AFDN: variants seen among roughly 807,000 people sequenced by gnomAD.
The protein encoded by AFDN is afadin, adherens junction formation factor.
Under a neutral mutation model 216.6 loss-of-function variants are expected in AFDN, and 68 were observed. The ratio of observed to expected loss-of-function variants is 0.31; its 90% CI spans 0.26 to 0.38. The LOEUF is 0.38. Among genes scored for constraint, AFDN ranks in the 10% least tolerant of loss-of-function variants. The pLI is 1.00. For synonymous variants in AFDN, 868 were observed against 853.7 expected, an observed-to-expected ratio of 1.02 and a Z score of -0.29; for missense variants, 2,136 against 2,342.0, an observed-to-expected ratio of 0.91 and a Z score of 1.82.
chr6:167,957,569 A>G (rs567838796), intron 30 of AFDN, among the ~76,000 whole-genome samples: 5 of 152,276 alleles, frequency 3.3e-5, no homozygotes, highest in African/African-American at 9.6e-5. Context: ...GATCTCCTTC[A>G]GCACTAGATT....
intron 10 of AFDN, among the ~76,000 whole-genome samples, 181 bp downstream of exon 10, chr6:167,897,153 G>GT (rs1382535601): frequency 6.6e-6 from 1 of 152,204 alleles, no homozygotes; most frequent in African/African-American, 2.4e-5. Context: ...CAGAATGTGA[G>GT]TTTATGTTCA....
intron 9 of AFDN, 50 bp from the exon 10 acceptor site, chr6:167,896,828 C>A: frequency 2.8e-6 from 3 of 1,070,106 alleles, no homozygotes; most frequent in Non-Finnish European, 4.3e-6. Flanking sequence ...AATAACATGA[C>A]AGTAATATTA....
intron 22 of AFDN, among the ~76,000 whole-genome samples, chr6:167,923,620 C>CTTTTTTT (rs35743665): frequency 8.9e-6 from 1 of 111,966 alleles, no homozygotes; most frequent in Non-Finnish European, 1.8e-5. Flanking sequence ...TACCCTAATA[C>CTTTTTTT]TTTTTTTTTT....
chr6:167,937,029 G>A (rs1268275581), intron 23 of AFDN, among the ~76,000 whole-genome samples: 1 of 152,180 alleles, frequency 6.6e-6, no homozygotes, highest in African/African-American at 2.4e-5. Context: ...TGCACCTGAA[G>A]TATAAGTAGG....
At chr6:167,837,678 G>A (rs529292521) in intron 1 of AFDN, among the ~76,000 whole-genome samples, 24 of 152,222 alleles carry the variant, frequency 1.6e-4, no homozygotes, top group African/African-American at 4.8e-4. Flanking sequence ...TCCCATTTCT[G>A]GATGAAGAAC....
At chr6:167,899,076 T>C (rs1342087858) in intron 11 of AFDN, among the ~76,000 whole-genome samples, 1 of 152,128 alleles carries the variant, frequency 6.6e-6, no homozygotes, top group Non-Finnish European at 1.5e-5. Flanking sequence ...CTCCCCTAGA[T>C]TGTAGGCTTT....
chr6:167,870,569 G>A (rs1784681037), intron 3 of AFDN, 71 bp downstream of exon 3: 3 of 827,302 alleles, frequency 3.6e-6, no homozygotes, highest in East Asian at 5.5e-5. Context: ...GGAGACTGAT[G>A]TTTTGTTACA....
intron 23 of AFDN, among the ~76,000 whole-genome samples, chr6:167,931,105 T>C (rs1170222859): frequency 2.0e-5 from 3 of 152,324 alleles, no homozygotes; most frequent in East Asian, 3.9e-4. Context: ...TGTCCACTAT[T>C]GAAAGGTTGA....
intron 23 of AFDN, among the ~76,000 whole-genome samples, chr6:167,929,743 A>G (rs1793051655): frequency 6.6e-6 from 1 of 152,240 alleles, no homozygotes; most frequent in African/African-American, 2.4e-5. Context: ...TGCTGGGGAC[A>G]TAGACCTGTG....
chr6:167,850,017 G>C (rs1383041732), intron 1 of AFDN, among the ~76,000 whole-genome samples: 2 of 152,124 alleles, frequency 1.3e-5, no homozygotes, highest in African/African-American at 4.8e-5. Flanking sequence ...CCAATCTGCT[G>C]TAGTCATTTG....
At chr6:167,880,313 C>T (rs971184499) in intron 5 of AFDN, 47 bp from the exon 6 acceptor site, 2 of 1,568,060 alleles carry the variant, frequency 1.3e-6, no homozygotes, top group Non-Finnish European at 1.7e-6. Context: ...ATCTCTGTTA[C>T]TGGCATAAAG....
chr6:167,952,545 C>T, intron 30 of AFDN: 2 of 980,250 alleles, frequency 2.0e-6, no homozygotes, highest in Non-Finnish European at 2.4e-6. Flanking sequence ...ATTTTTCTTC[C>T]AGGGCCAGAT....
chr6:167,957,195 TG>T (rs34546048), intron 30 of AFDN, among the ~76,000 whole-genome samples: 44,203 of 151,650 alleles, frequency 0.29, 7,306 homozygotes, highest in East Asian at 0.6. Flanking sequence ...CTGCTTCATA[TG>T]GGGGGGGCCC....
chr6:167,908,970 C>A (rs538141486), intron 13 of AFDN, among the ~76,000 whole-genome samples: 1 of 151,986 alleles, frequency 6.6e-6, no homozygotes, highest in African/African-American at 2.4e-5. Flanking sequence ...ATGGAGGGGA[C>A]GACTTTTAAT....
In AFDN at chr6:167,922,820, G is replaced by A. The variant is rs577452935; in HGVS notation, c.2909-36G>A. 7.2e-5 allele frequency: 99 copies of A among 1,382,696 alleles called. 1 individual carries two copies. In the South Asian group the frequency reaches 9.1e-4, roughly 13 times the overall value. The allele number at this position is 1,382,696 out of a possible 1,614,324, so 85.7% of individuals were successfully genotyped here. A position where few individuals can be genotyped will look rare whatever the true frequency, so the allele number is the denominator to read the frequency against. The stretch of plus-strand genomic sequence containing the variant: ...TGCTTCCTTTATCTTGACAAGATGT[G>A]CTTTTTCACTTACAATTTGCTTGTT... On this transcript the variant is annotated intron_variant, in intron 21 of 33. Coordinates refer to ENST00000683244, the MANE Select transcript of AFDN (RefSeq NM_001386888.1).
chr6:167,904,194 C>T (rs780834050), intron 12 of AFDN, among the ~76,000 whole-genome samples: 9 of 151,696 alleles, frequency 5.9e-5, no homozygotes, highest in Admixed American at 1.3e-4. Context: ...CCTCTCCAGA[C>T]GCATATCTCT....
Position 167,962,616 on chromosome 6 carries a change from G to T in AFDN, c.4968+49G>T, listed in dbSNP as rs374360014. On this transcript the variant is annotated intron_variant, in intron 31 of 33. Transcript: ENST00000683244. The surrounding 1 kb of genome is among the most constrained non-coding windows in gnomAD (Gnocchi z 5.2). ...AGAATTTTACCAAGTTAGCCTGAAC[G>T]TAATCGATTGGCTGGGGCAGAGCGG... 6.2e-7 allele frequency: 1 copy of T among 1,612,042 alleles called. No individual in the cohort carries two copies. The highest frequency in any genetic ancestry group is 1.7e-5 in the Admixed American group (1 of 59,988).
At chr6:167,830,388 C>T (rs1432567469) in intron 1 of AFDN, among the ~76,000 whole-genome samples, 3 of 152,126 alleles carry the variant, frequency 2.0e-5, no homozygotes, top group Non-Finnish European at 2.9e-5. Context: ...ATGGTAGGAG[C>T]TCAATAAATA....
At chr6:167,946,342 C>T (rs907216071) in intron 26 of AFDN, among the ~76,000 whole-genome samples, 6 of 152,098 alleles carry the variant, frequency 3.9e-5, no homozygotes, top group African/African-American at 1.4e-4. Context: ...CTGCTCAGAA[C>T]GATGACGCTG....
Sources: allele counts gnomAD v4.1 joint callset (sites outside exome capture counted in the v4.1 genomes callset), GRCh38; gene constraint gnomAD v4.1.1; non-coding constraint Gnocchi (gnomAD v3.1); transcripts MANE v1.5; gene names NCBI Gene and HGNC (gene_info 2026-07-23, HGNC 2026-07-21).